ADD3: variants seen among roughly 807,000 people sequenced by gnomAD.
ADD3 encodes the protein gamma-adducin.
Under a neutral mutation model 80.2 loss-of-function variants are expected in ADD3, and 25 were observed. That is an observed-to-expected ratio of 0.31 (90% CI 0.23 to 0.44). The LOEUF is 0.44. ADD3 is among the 20% of genes least tolerant of loss of function. The pLI, the probability that ADD3 is intolerant of heterozygous loss-of-function variation, is 1.00. For synonymous variants in ADD3, 284 were observed against 289.6 expected (o/e 0.98, Z 0.20); for missense variants, 829 against 847.5 (o/e 0.98, Z 0.27).
chr10:110,100,149 C>T (rs550853430), intron 1 of ADD3, among the ~76,000 whole-genome samples: 6 of 152,010 alleles, frequency 3.9e-5, no homozygotes, highest in Non-Finnish European at 8.8e-5. Context: ...TAGTTCCAGA[C>T]CAGCATGGTC....
chr10:110,038,539 A>G (rs955395726), intron 1 of ADD3, among the ~76,000 whole-genome samples: 5 of 152,232 alleles, frequency 3.3e-5, no homozygotes, highest in African/African-American at 1.2e-4. Flanking sequence ...CTGTCTTATT[A>G]TTAACTGTTC....
intron 1 of ADD3, among the ~76,000 whole-genome samples, chr10:110,080,282 A>G (rs2133760119): frequency 6.6e-6 from 1 of 152,308 alleles, no homozygotes; most frequent in African/African-American, 2.4e-5. Context: ...TACCATCTAT[A>G]AAATAAGAGA....
intron 1 of ADD3, among the ~76,000 whole-genome samples, chr10:110,085,229 G>C (rs1002954827): frequency 6.6e-6 from 1 of 152,188 alleles, no homozygotes; most frequent in African/African-American, 2.4e-5. Flanking sequence ...GCACCCACAA[G>C]CTTGCATGGC....
intron 1 of ADD3, among the ~76,000 whole-genome samples, chr10:110,022,908 A>T (rs1335075235): frequency 6.6e-6 from 1 of 152,136 alleles, no homozygotes; most frequent in Non-Finnish European, 1.5e-5. Context: ...AGTCTGTGGG[A>T]TGGTTATGAT....
At chr10:110,109,143 C>T (rs543903892) in intron 2 of ADD3, among the ~76,000 whole-genome samples, 190 of 152,272 alleles carry the variant, frequency 1.2e-3, no homozygotes, top group Non-Finnish European at 2.3e-3. Context: ...AGGTTTTCAA[C>T]CTTTCTTTAA....
At chr10:110,126,788 T>C (rs1852219076) in intron 12 of ADD3, among the ~76,000 whole-genome samples, 1 of 152,294 alleles carries the variant, frequency 6.6e-6, no homozygotes, top group South Asian at 2.1e-4. Flanking sequence ...CAGGTGATCC[T>C]CCAGCCTTGA....
At chr10:110,054,189 A>AT (rs1349133506) in intron 1 of ADD3, among the ~76,000 whole-genome samples, 1 of 152,166 alleles carries the variant, frequency 6.6e-6, no homozygotes, top group African/African-American at 2.4e-5. Context: ...ATTAAAATTT[A>AT]TTTTGGGGGA....
intron 1 of ADD3, among the ~76,000 whole-genome samples, chr10:110,011,525 A>G (rs1489536343): frequency 6.6e-6 from 1 of 152,240 alleles, no homozygotes; most frequent in Non-Finnish European, 1.5e-5. Context: ...AGAAAGTGCA[A>G]GCTTTATTGA....
chr10:110,053,679 T>TG (rs1363743578), intron 1 of ADD3, among the ~76,000 whole-genome samples: 2 of 152,200 alleles, frequency 1.3e-5, no homozygotes, highest in African/African-American at 4.8e-5. Flanking sequence ...AGTTAATGAC[T>TG]GATTCATTTT....
intron 1 of ADD3, among the ~76,000 whole-genome samples, chr10:110,072,814 C>A (rs1388307703): frequency 6.6e-6 from 1 of 152,184 alleles, no homozygotes; most frequent in East Asian, 1.9e-4. Flanking sequence ...TACTCTTGAG[C>A]CCTTCTACAG....
intron 1 of ADD3, among the ~76,000 whole-genome samples, chr10:110,032,136 A>T (rs1349946121): frequency 1.3e-5 from 2 of 152,218 alleles, no homozygotes; most frequent in African/African-American, 4.8e-5. Flanking sequence ...CCATATAAGG[A>T]AAGAGATTTT....
At position 110,112,893 on chromosome 10, in the gene ADD3, G is replaced by A. The variant is rs147859836; in HGVS notation, c.312G>A (p.Ser104=). 2.7e-4 allele frequency: 441 copies of A among 1,613,348 alleles called. No individual in the cohort carries two copies. Among genetic ancestry groups the A allele is most frequent in the Non-Finnish European group, 3.5e-4 (412 of 1,179,886 alleles). ...ATTACATCATGGCCAATTCTTTCTC[G>A]GGTTTTTCTTCACCTCCTCTCAGTA... The part of the protein sequence containing the change: ...IADYIMANSF[S]GFSSPPLSLG... The change falls in exon 3 of 15, where the codon TCG becomes TCA. Residue 104 remains serine, a synonymous_variant. Coordinates refer to ENST00000356080, the MANE Select transcript of ADD3 (RefSeq NM_016824.5).
At chr10:110,074,851 CA>C (rs1469024468) in intron 1 of ADD3, among the ~76,000 whole-genome samples, 3 of 152,136 alleles carry the variant, frequency 2.0e-5, no homozygotes, top group Non-Finnish European at 4.4e-5. Flanking sequence ...CTCTGGCACT[CA>C]GTAGAGTATT....
At chr10:110,019,884 C>G (rs1733783578) in intron 1 of ADD3, among the ~76,000 whole-genome samples, 1 of 152,150 alleles carries the variant, frequency 6.6e-6, no homozygotes, top group South Asian at 2.1e-4. Flanking sequence ...ATATGTGGCA[C>G]TTAAGAGAAG....
At chr10:110,048,347 G>A (rs180884177) in intron 1 of ADD3, among the ~76,000 whole-genome samples, 210 of 152,296 alleles carry the variant, frequency 1.4e-3, no homozygotes, top group Middle Eastern at 3.4e-3. Flanking sequence ...TTGGCACCAG[G>A]AGTGGGGTGC....
chr10:110,091,111 G>T (rs1847450746), intron 1 of ADD3, among the ~76,000 whole-genome samples: 1 of 152,174 alleles, frequency 6.6e-6, no homozygotes, highest in East Asian at 1.9e-4. Flanking sequence ...GGAAGACTTT[G>T]TGCAAATTTT....
intron 1 of ADD3, among the ~76,000 whole-genome samples, chr10:110,028,937 T>C (rs996226841): frequency 6.6e-5 from 10 of 151,296 alleles, no homozygotes; most frequent in Admixed American, 1.3e-4. Flanking sequence ...TGGAGTGCAA[T>C]GGCACGATCT....
At chr10:109,998,758 G>A (rs762925072) in intron 1 of ADD3, among the ~76,000 whole-genome samples, 1 of 152,020 alleles carries the variant, frequency 6.6e-6, no homozygotes, top group East Asian at 1.9e-4. Context: ...TCCAGCTGCC[G>A]ACTACAGATC....
intron 1 of ADD3, chr10:110,079,315 T>G (rs1210234575): frequency 2.0e-5 from 3 of 151,962 alleles, no homozygotes; most frequent in Non-Finnish European, 4.4e-5. Flanking sequence ...TACTAAAAAA[T>G]GCATATGGTA....
Sources: gnomAD v4.1 joint callset for allele counts (sites outside exome capture counted in the v4.1 genomes callset) on GRCh38, gnomAD v4.1.1 for gene constraint, MANE v1.5 for transcripts, NCBI Gene and HGNC (gene_info 2026-07-23, HGNC 2026-07-21) for gene names.